Variants in RBMS3 observed in about 807,000 individuals in gnomAD.
The protein encoded by RBMS3 is RNA-binding motif, single-stranded-interacting protein 3.
A neutral mutation model predicts 66.8 loss-of-function variants in RBMS3; 27 were observed. That is an observed-to-expected ratio of 0.40 (90% CI 0.30 to 0.56). RBMS3 has a LOEUF of 0.56. Ranked by LOEUF, RBMS3 falls within the 20% of genes least tolerant of loss-of-function variation. The probability of loss-of-function intolerance (pLI) is 0.40; values close to 1 mark genes in which losing one functional copy is unlikely to be tolerated. For synonymous variants in RBMS3, 188 were observed against 183.0 expected, an observed-to-expected ratio of 1.03 and a Z score of -0.22; for missense variants, 513 against 549.5, an observed-to-expected ratio of 0.93 and a Z score of 0.66.
rs940912245 is a variant in RBMS3 at position 29,281,456 on chromosome 3, A to G, written c.-226A>G. Reference sequence around the variant, plus strand: ...AAGGCTGTGTGTGGGTGTTTTTTCTACAGATCTCACTCCTCGCCCTTTTTT... The same window carrying G: ...AAGGCTGTGTGTGGGTGTTTTTTCTGCAGATCTCACTCCTCGCCCTTTTTT... On this transcript the variant is annotated 5_prime_UTR_variant, in exon 1 of 15. Coordinates refer to ENST00000383767, the MANE Select transcript of RBMS3 (RefSeq NM_001003793.3). The G allele has an allele frequency of 1.5e-5, 8 of 544,162 alleles. No individual in the cohort carries two copies. The highest frequency in any genetic ancestry group is 2.5e-5 in the Non-Finnish European group (8 of 313,958). The allele number at this position is 544,162 out of a possible 1,614,324, so 33.7% of individuals were successfully genotyped here. A position where few individuals can be genotyped will look rare whatever the true frequency, so the allele number is the denominator to read the frequency against.
At chr3:29,885,168 T>TA (rs2059840461) in intron 8 of RBMS3, among the ~76,000 whole-genome samples, 1 of 151,894 alleles carries the variant, frequency 6.6e-6, no homozygotes, top group East Asian at 1.9e-4. Flanking sequence ...TCTATAGATT[T>TA]AAAAAAACAA....
At chr3:29,530,080 C>T (rs968933203) in intron 3 of RBMS3, among the ~76,000 whole-genome samples, 3 of 152,142 alleles carry the variant, frequency 2.0e-5, no homozygotes, top group African/African-American at 2.4e-5. Flanking sequence ...CATCCCCTGC[C>T]GTACACACTC....
intron 4 of RBMS3, among the ~76,000 whole-genome samples, chr3:29,624,339 A>C (rs762122167): frequency 3.3e-5 from 5 of 152,232 alleles, no homozygotes; most frequent in Non-Finnish European, 5.9e-5. Context: ...AAATTTATAA[A>C]GCAACAGTTT....
rs1696140531 is a variant in RBMS3 at position 29,957,809 on chromosome 3, A to G, written c.1098+13555A>G. 2.0e-5 allele frequency among the ~76,000 whole-genome samples: 3 copies of G among 152,252 alleles called. No homozygotes were observed. The South Asian group carries it at 6.2e-4, about 32-fold the overall frequency. Reference sequence around the variant, plus strand: ...TCTTTTCATCGCCAAGATACCTCACACGTACACCATTGCAAACATACACTG... The same window carrying G: ...TCTTTTCATCGCCAAGATACCTCACGCGTACACCATTGCAAACATACACTG... On this transcript the variant is annotated intron_variant, in intron 12 of 14. Coordinates refer to ENST00000383767, the MANE Select transcript of RBMS3 (RefSeq NM_001003793.3).
intron 14 of RBMS3, among the ~76,000 whole-genome samples, chr3:30,001,403 CTTTTT>C (rs144922687): frequency 3.3e-5 from 5 of 151,624 alleles, no homozygotes; most frequent in Admixed American, 3.3e-4. Flanking sequence ...TTCACTGTGC[CTTTTT>C]TTTGAGGGTG....
At chr3:29,767,871 G>C (rs558759669) in intron 6 of RBMS3, among the ~76,000 whole-genome samples, 1 of 152,028 alleles carries the variant, frequency 6.6e-6, no homozygotes, top group Admixed American at 6.6e-5. Context: ...AGAGCTTTGC[G>C]ATCTGTGTTT....
At chr3:29,656,601 C>T (rs1316367219) in intron 4 of RBMS3, among the ~76,000 whole-genome samples, 1 of 152,070 alleles carries the variant, frequency 6.6e-6, no homozygotes, top group East Asian at 1.9e-4. Context: ...GTAAAGAGAG[C>T]AAAACCCTCA....
At chr3:29,998,639 A>G (rs1699411231) in intron 14 of RBMS3, among the ~76,000 whole-genome samples, 1 of 152,242 alleles carries the variant, frequency 6.6e-6, no homozygotes, top group Admixed American at 6.5e-5. Flanking sequence ...AATCTTTGAC[A>G]AACCTGACAA....
intron 4 of RBMS3, among the ~76,000 whole-genome samples, chr3:29,602,169 G>A (rs144437842): frequency 6.6e-6 from 1 of 152,120 alleles, no homozygotes; most frequent in East Asian, 1.9e-4. Context: ...ACTGACACAA[G>A]TTAGTTTTTC....
chr3:29,575,212 T>G (rs1463993260), intron 3 of RBMS3, among the ~76,000 whole-genome samples: 1 of 152,108 alleles, frequency 6.6e-6, no homozygotes, highest in East Asian at 1.9e-4. Context: ...TATTTTTTCA[T>G]CTAGAAAGGT....
intron 4 of RBMS3, among the ~76,000 whole-genome samples, chr3:29,675,911 G>T (rs548872891): frequency 6.6e-6 from 1 of 152,206 alleles, no homozygotes; most frequent in South Asian, 2.1e-4. Flanking sequence ...TTGACCCAGT[G>T]ATCCCATTAC....
chr3:29,677,778 G>T (rs2051317297), intron 4 of RBMS3, among the ~76,000 whole-genome samples: 1 of 152,172 alleles, frequency 6.6e-6, no homozygotes, highest in African/African-American at 2.4e-5. Flanking sequence ...CTGAAAATTA[G>T]ATATAATGAA....
intron 2 of RBMS3, among the ~76,000 whole-genome samples, chr3:29,473,639 C>A (rs532620641): frequency 6.6e-6 from 1 of 152,220 alleles, no homozygotes; most frequent in African/African-American, 2.4e-5. Context: ...GGTCCCGAGC[C>A]CTGCCCCTCG....
At chr3:29,416,366 A>T (rs2040477221) in intron 1 of RBMS3, among the ~76,000 whole-genome samples, 1 of 143,424 alleles carries the variant, frequency 7.0e-6, no homozygotes, top group Admixed American at 7.0e-5. Flanking sequence ...TATTCTTCTC[A>T]AAAATGGTCA....
chr3:29,913,879 T>G (rs550161052), intron 10 of RBMS3, among the ~76,000 whole-genome samples: 10 of 152,080 alleles, frequency 6.6e-5, no homozygotes, highest in African/African-American at 2.2e-4. Context: ...ACATGATACA[T>G]GTCTAAATAC....
chr3:29,935,399 A>G (rs2371903), intron 10 of RBMS3, among the ~76,000 whole-genome samples: 135,906 of 152,106 alleles, frequency 0.89, 60,863 homozygotes, highest in East Asian at 0.99. Context: ...TGACACTTTT[A>G]TTTTTAAAAA....
intron 6 of RBMS3, 120 bp from the exon 7 acceptor site, chr3:29,868,738 T>G (rs759337296): frequency 2.0e-4 from 179 of 886,374 alleles, no homozygotes; most frequent in Non-Finnish European, 2.9e-4. Flanking sequence ...GCCAAATATC[T>G]CTTCAGAAGC....
intron 3 of RBMS3, among the ~76,000 whole-genome samples, chr3:29,492,529 G>T (rs1318404156): frequency 6.6e-6 from 1 of 152,164 alleles, no homozygotes; most frequent in Non-Finnish European, 1.5e-5. Flanking sequence ...AATCCAGAAA[G>T]TATCTGCGGA....
intron 1 of RBMS3, among the ~76,000 whole-genome samples, chr3:29,405,646 A>G (rs916528549): frequency 5.9e-5 from 9 of 152,154 alleles, no homozygotes; most frequent in Non-Finnish European, 1.3e-4. Context: ...GAACTTGCTT[A>G]ACTGCATCTT....
Sources: gnomAD v4.1 joint callset for allele counts (sites outside exome capture counted in the v4.1 genomes callset) on GRCh38, gnomAD v4.1.1 for gene constraint, MANE v1.5 for transcripts, NCBI Gene and HGNC (gene_info 2026-07-23, HGNC 2026-07-21) for gene names.